The following ENOX1 variants were observed in gnomAD, a reference collection of about 807,000 sequenced individuals.
ENOX1 encodes the protein ecto-NOX disulfide-thiol exchanger 1.
ENOX1 carries 42 observed loss-of-function variants against 82.5 expected under a neutral mutation model. The observed-to-expected ratio is 0.51, with a 90% CI of 0.40 to 0.66. The LOEUF (loss-of-function observed/expected upper bound fraction) is 0.66. Among genes scored for constraint, ENOX1 ranks in the 30% least tolerant of loss-of-function variants. The pLI, the probability that ENOX1 is intolerant of heterozygous loss-of-function variation, is 0.00. For synonymous variants in ENOX1, 271 were observed against 282.2 expected, an observed-to-expected ratio of 0.96 and a Z score of 0.40; for missense variants, 608 against 811.6, an observed-to-expected ratio of 0.75 and a Z score of 3.05.
chr13:43,697,943 A>T (rs1414079679), intron 1 of ENOX1, among the ~76,000 whole-genome samples: 3 of 152,200 alleles, frequency 2.0e-5, no homozygotes, highest in Admixed American at 1.3e-4. Flanking sequence ...GCTCCATCAC[A>T]CCAGAATCAG....
At chr13:43,681,423 A>T (rs555485897) in intron 1 of ENOX1, among the ~76,000 whole-genome samples, 1 of 152,130 alleles carries the variant, frequency 6.6e-6, no homozygotes, top group Non-Finnish European at 1.5e-5. Flanking sequence ...GTATACATTT[A>T]CCCAAAAGCA....
At chr13:43,430,936 G>C (rs1456999066) in intron 3 of ENOX1, among the ~76,000 whole-genome samples, 1 of 152,118 alleles carries the variant, frequency 6.6e-6, no homozygotes, top group Non-Finnish European at 1.5e-5. Context: ...GTGTGGAGAA[G>C]TTTTTGTTTG....
At chr13:43,583,006 C>T (rs937116541) in intron 2 of ENOX1, among the ~76,000 whole-genome samples, 1 of 152,040 alleles carries the variant, frequency 6.6e-6, no homozygotes, top group African/African-American at 2.4e-5. Context: ...GACAGACAGA[C>T]ACACACACAC....
chr13:43,214,655 AT>A (rs2041370866), intron 16 of ENOX1, among the ~76,000 whole-genome samples: 1 of 152,210 alleles, frequency 6.6e-6, no homozygotes, highest in Non-Finnish European at 1.5e-5. Context: ...ACCTACAACA[AT>A]ACAAGTCTTG....
At chr13:43,286,113 T>G (rs1593713418) in intron 12 of ENOX1, among the ~76,000 whole-genome samples, 1 of 152,028 alleles carries the variant, frequency 6.6e-6, no homozygotes, top group Non-Finnish European at 1.5e-5. Context: ...GCTGGCAGGG[T>G]TCAGGGCTTC....
chr13:43,569,349 G>C (rs748753064), intron 2 of ENOX1, among the ~76,000 whole-genome samples: 1 of 152,176 alleles, frequency 6.6e-6, no homozygotes, highest in Non-Finnish European at 1.5e-5. Context: ...TGAATGGATG[G>C]TAGGTAGGTA....
At chr13:43,430,506 A>T (rs1200801937) in intron 3 of ENOX1, among the ~76,000 whole-genome samples, 3 of 151,888 alleles carry the variant, frequency 2.0e-5, no homozygotes, top group African/African-American at 7.3e-5. Context: ...ACCTTTCTTG[A>T]TATGGGTGTT....
At chr13:43,654,261 C>T (rs2084327289) in intron 2 of ENOX1, among the ~76,000 whole-genome samples, 1 of 152,126 alleles carries the variant, frequency 6.6e-6, no homozygotes, top group African/African-American at 2.4e-5. Flanking sequence ...AGACATCCTG[C>T]CTAAGTTTCT....
At chr13:43,666,944 C>T (rs1317546747) in intron 2 of ENOX1, among the ~76,000 whole-genome samples, 6 of 152,104 alleles carry the variant, frequency 3.9e-5, no homozygotes, top group Non-Finnish European at 7.3e-5. Flanking sequence ...CTGTTTAATC[C>T]TCTAAGAAGG....
At chr13:43,711,980 A>T (rs1222138929) in intron 1 of ENOX1, among the ~76,000 whole-genome samples, 13 of 145,510 alleles carry the variant, frequency 8.9e-5, no homozygotes, top group Non-Finnish European at 2.0e-4. Flanking sequence ...GGTGTTTTAG[A>T]CACGAAGTCC....
chr13:43,274,481 A>C (rs2044883292), intron 12 of ENOX1, among the ~76,000 whole-genome samples: 1 of 152,254 alleles, frequency 6.6e-6, no homozygotes, highest in Non-Finnish European at 1.5e-5. Flanking sequence ...TAGATGATTT[A>C]AGTCAGCCTT....
intron 1 of ENOX1, among the ~76,000 whole-genome samples, chr13:43,670,851 A>AAACAACAACAACAAC (rs59254437): frequency 4.1e-4 from 61 of 150,322 alleles, no homozygotes; most frequent in African/African-American, 1.4e-3. Context: ...TCAAACAACA[A>AAACAACAACAACAAC]AACAACAACA....
intron 1 of ENOX1, among the ~76,000 whole-genome samples, chr13:43,708,842 A>G (rs762019866): frequency 4.9e-4 from 75 of 152,212 alleles, no homozygotes; most frequent in Admixed American, 2.9e-3. Context: ...CTTTCCATAC[A>G]CAAAACCCAC....
At chr13:43,471,818 A>AG (rs2058080835) in intron 3 of ENOX1, among the ~76,000 whole-genome samples, 1 of 61,228 alleles carries the variant, frequency 1.6e-5, no homozygotes, top group Non-Finnish European at 5.8e-5. Flanking sequence ...TCAAAAAAAA[A>AG]AAAAAAAAAA....
Position 43,544,956 on chromosome 13 carries a change from CA to C in ENOX1, c.-218-60805del, listed in dbSNP as rs1304043394. ...AACCAGCCTGACAAACTATATTGAA[CA>C]CAGAGGTCCGTACTTATTTTCTTTC... On this transcript the variant is annotated intron_variant, in intron 2 of 16. Coordinates refer to ENST00000690772, the MANE Select transcript of ENOX1 (RefSeq NM_001347969.2). 1.2e-4 allele frequency: 19 copies of C among 152,276 alleles called. No homozygotes were observed. In the East Asian group the frequency reaches 3.7e-3, roughly 29 times the overall value. 9.4% of individuals were successfully genotyped at this position (152,276 alleles called of 1,614,324 possible). A position where few individuals can be genotyped will look rare whatever the true frequency, so the allele number is the denominator to read the frequency against.
rs575610676 is a variant in ENOX1 at position 43,294,370 on chromosome 13, T to C, written c.1446+3976A>G. Among the ~76,000 whole-genome samples the C allele has an allele frequency of 4.6e-5, 7 of 152,364 alleles. No homozygotes were observed. The East Asian group carries it at 1.3e-3, about 29-fold the overall frequency. ...ATTAAAAAATTATGACATGTTGACC[T>C]ATCCTCATGAATGAAAATAAAAATA... On this transcript the variant is annotated intron_variant, in intron 12 of 16. Coordinates refer to ENST00000690772, the MANE Select transcript of ENOX1 (RefSeq NM_001347969.2).
chr13:43,234,900 A>G (rs1387037516), intron 15 of ENOX1, among the ~76,000 whole-genome samples: 1 of 152,256 alleles, frequency 6.6e-6, no homozygotes, highest in African/African-American at 2.4e-5. Flanking sequence ...TTAAAACATA[A>G]AAGAAGCAGC....
intron 13 of ENOX1, among the ~76,000 whole-genome samples, chr13:43,266,514 G>A (rs1291832307): frequency 6.6e-6 from 1 of 152,074 alleles, no homozygotes. Flanking sequence ...TGAGGATCAG[G>A]TAGTTGATTA....
intron 3 of ENOX1, among the ~76,000 whole-genome samples, chr13:43,440,402 T>A (rs938093582): frequency 2.0e-5 from 3 of 152,232 alleles, no homozygotes; most frequent in Admixed American, 1.3e-4. Context: ...ATTACTGAAG[T>A]GTTTTTAGGT....
Sources: gnomAD v4.1 joint callset for allele counts (sites outside exome capture counted in the v4.1 genomes callset) on GRCh38, gnomAD v4.1.1 for gene constraint, MANE v1.5 for transcripts, NCBI Gene and HGNC (gene_info 2026-07-23, HGNC 2026-07-21) for gene names.